The following SPMIP2 variants were observed in gnomAD, a reference collection of about 807,000 sequenced individuals.
SPMIP2 encodes sperm microtubule inner protein 2, also known as protein SPMIP2.
chr4:158,920,564 G>A, the SPMIP2 span, among the ~76,000 whole-genome samples: 6 of 152,116 alleles, frequency 3.9e-5, no homozygotes, highest in African/African-American at 9.7e-5. Flanking sequence ...ACTGAGATAC[G>A]CCCTGGTCTC....
At chr4:158,905,824 C>A in the SPMIP2 span, 1 of 152,020 alleles carries the variant, frequency 6.6e-6, no homozygotes, top group Non-Finnish European at 1.5e-5. Flanking sequence ...CATTAAAGGA[C>A]AGGAGCTAAG....
chr4:159,028,914 GC>G, the SPMIP2 span, among the ~76,000 whole-genome samples: 16 of 152,092 alleles, frequency 1.1e-4, no homozygotes, highest in African/African-American at 3.6e-4. Context: ...GGCCAACATG[GC>G]AAAACCCCAT....
the SPMIP2 span, among the ~76,000 whole-genome samples, chr4:158,964,157 C>CAAAAT: frequency 9.8e-6 from 1 of 101,668 alleles, no homozygotes; most frequent in Non-Finnish European, 2.2e-5. Context: ...TATCTCAAAA[C>CAAAAT]AAAACAAAAC....
At chr4:158,965,668 TAA>T in the SPMIP2 span, among the ~76,000 whole-genome samples, 5 of 145,964 alleles carry the variant, frequency 3.4e-5, no homozygotes, top group South Asian at 2.2e-4. Context: ...AGTTTCTATT[TAA>T]AAAAAAAAAA....
At chr4:158,985,535 G>C in the SPMIP2 span, among the ~76,000 whole-genome samples, 844 of 147,624 alleles carry the variant, frequency 5.7e-3, 5 homozygotes, top group African/African-American at 0.019. Context: ...ACAAAAACCA[G>C]ATGATTATCT....
At chr4:158,938,197 G>A in the SPMIP2 span, among the ~76,000 whole-genome samples, 4 of 152,152 alleles carry the variant, frequency 2.6e-5, no homozygotes, top group Admixed American at 1.3e-4. Context: ...CACAAGAGAC[G>A]TCATCCCAAA....
the SPMIP2 span, among the ~76,000 whole-genome samples, chr4:158,901,192 G>A: frequency 3.5e-5 from 5 of 144,390 alleles, no homozygotes; most frequent in African/African-American, 1.3e-4. Flanking sequence ...GAGTGCAGTG[G>A]CGTGATCTTA....
At chr4:158,894,639 T>C in the SPMIP2 span, among the ~76,000 whole-genome samples, 2 of 152,200 alleles carry the variant, frequency 1.3e-5, no homozygotes, top group Non-Finnish European at 2.9e-5. Context: ...TTTAATATTT[T>C]GTGACTCTTA....
At chr4:158,988,040 T>C in the SPMIP2 span, among the ~76,000 whole-genome samples, 95,651 of 151,770 alleles carry the variant, frequency 0.63, 30,478 homozygotes, top group Middle Eastern at 0.71. Flanking sequence ...ATAGATGCAA[T>C]AAAAAATGAT....
chr4:158,902,510 G>A, the SPMIP2 span, among the ~76,000 whole-genome samples: 2 of 152,212 alleles, frequency 1.3e-5, no homozygotes, highest in East Asian at 1.9e-4. Context: ...GAGCTCAAAC[G>A]CTGTGTGGGG....
At chr4:159,073,768 A>C in the SPMIP2 span, among the ~76,000 whole-genome samples, 2 of 152,116 alleles carry the variant, frequency 1.3e-5, no homozygotes, top group East Asian at 3.9e-4. Flanking sequence ...TTGGGAGGCT[A>C]GGGCGGGAGG....
the SPMIP2 span, among the ~76,000 whole-genome samples, chr4:159,044,461 C>A: frequency 1.3e-5 from 2 of 151,704 alleles, no homozygotes; most frequent in Non-Finnish European, 2.9e-5. Context: ...CCCTCCCCTC[C>A]CTACTATCAC....
chr4:158,909,286 GA>G, the SPMIP2 span: 1 of 151,664 alleles, frequency 6.6e-6, no homozygotes, highest in Non-Finnish European at 1.5e-5. Context: ...AGACTGGGGG[GA>G]AAGTTACAGT....
At chr4:159,029,908 T>C in the SPMIP2 span, among the ~76,000 whole-genome samples, 19 of 152,154 alleles carry the variant, frequency 1.2e-4, no homozygotes, top group Non-Finnish European at 2.6e-4. Flanking sequence ...TTCAAATATG[T>C]AGGATAAAAA....
the SPMIP2 span, chr4:158,895,618 T>C: frequency 1.6e-6 from 1 of 622,316 alleles, no homozygotes; most frequent in East Asian, 2.8e-5. Context: ...TGGCTTGTGA[T>C]TTTTTAAGTG....
the SPMIP2 span, among the ~76,000 whole-genome samples, chr4:159,021,420 C>G: frequency 6.6e-6 from 1 of 152,216 alleles, no homozygotes; most frequent in Non-Finnish European, 1.5e-5. Context: ...CTTCTCCATG[C>G]TGGTGCTCAT....
chr4:158,982,949 T>C, the SPMIP2 span, among the ~76,000 whole-genome samples: 1 of 151,914 alleles, frequency 6.6e-6, no homozygotes, highest in Non-Finnish European at 1.5e-5. Flanking sequence ...AAATAACCAA[T>C]ACAGAGAAGT....
the SPMIP2 span, among the ~76,000 whole-genome samples, chr4:159,008,635 A>G: frequency 6.6e-6 from 1 of 152,228 alleles, no homozygotes; most frequent in Non-Finnish European, 1.5e-5. Context: ...AGCAGCTGGT[A>G]AATGTTAGAT....
chr4:159,028,955 C>T, the SPMIP2 span, among the ~76,000 whole-genome samples: 6 of 151,944 alleles, frequency 3.9e-5, no homozygotes, highest in East Asian at 1.9e-4. Flanking sequence ...ATAAGCTGGG[C>T]GTGGTGGCGC....
Sources: gnomAD v4.1 joint callset for allele counts (sites outside exome capture counted in the v4.1 genomes callset) on GRCh38, gnomAD v4.1.1 for gene constraint, MANE v1.5 for transcripts, NCBI Gene and HGNC (gene_info 2026-07-23, HGNC 2026-07-21) for gene names.